Variants in RORA observed in about 807,000 individuals in gnomAD.
The protein encoded by RORA is RAR related orphan receptor A.
A neutral mutation model predicts 69.5 loss-of-function variants in RORA; 7 were observed. The observed-to-expected ratio is 0.10, with a 90% CI of 0.06 to 0.19. RORA has a LOEUF of 0.19. RORA is among the 10% of genes least tolerant of loss of function. The pLI is 1.00. For missense variants in RORA, 457 were observed against 663.0 expected, an observed-to-expected ratio of 0.69 and a Z score of 3.41; for synonymous variants, 261 against 240.8, an observed-to-expected ratio of 1.08 and a Z score of -0.78.
rs116445706 is a variant in RORA at position 60,675,944 on chromosome 15, C to T, written c.196+2713G>A. Among the ~76,000 whole-genome samples, 803 of 152,214 alleles carry T rather than the reference C, an allele frequency of 5.3e-3. 10 individuals carry two copies. The highest frequency in any genetic ancestry group is 0.018 in the African/African-American group (764 of 41,534). On this transcript the variant is annotated intron_variant, in intron 2 of 10. Transcript: ENST00000335670. ...TGAAATTGCTAATGTCGGGTGACTTCAGCTGTCGATGATTATGTAGTCAAG... is the reference window on the plus strand; with the variant it reads ...TGAAATTGCTAATGTCGGGTGACTTTAGCTGTCGATGATTATGTAGTCAAG...
At chr15:60,680,781 G>A (rs1232004511) in intron 1 of RORA, among the ~76,000 whole-genome samples, 1 of 151,866 alleles carries the variant, frequency 6.6e-6, no homozygotes, top group East Asian at 1.9e-4. Flanking sequence ...TATTTTATAT[G>A]GCAGCCTTAA....
At chr15:60,761,626 T>A (rs567239024) in intron 1 of RORA, among the ~76,000 whole-genome samples, 2 of 152,216 alleles carry the variant, frequency 1.3e-5, no homozygotes, top group Non-Finnish European at 1.5e-5. Context: ...ACCTCTCCTA[T>A]GGTGTGCCTG....
intron 1 of RORA, among the ~76,000 whole-genome samples, chr15:60,830,283 C>T (rs1300880850): frequency 2.0e-5 from 3 of 152,190 alleles, no homozygotes; most frequent in Non-Finnish European, 4.4e-5. Context: ...TAAACCAAAA[C>T]TTGTCCACAA....
intron 2 of RORA, among the ~76,000 whole-genome samples, chr15:60,626,724 C>G (rs908184954): frequency 2.0e-5 from 3 of 152,166 alleles, no homozygotes; most frequent in African/African-American, 7.2e-5. Context: ...ATCTGCTGCT[C>G]TCTTGCTGTC....
chr15:61,091,879 A>T (rs569496677), intron 1 of RORA, among the ~76,000 whole-genome samples: 2 of 152,364 alleles, frequency 1.3e-5, no homozygotes, highest in African/African-American at 4.8e-5. Context: ...GGTATATGTT[A>T]AAGTGGTCTT....
intron 1 of RORA, among the ~76,000 whole-genome samples, chr15:60,771,154 T>C (rs1158135548): frequency 1.3e-5 from 2 of 150,210 alleles, no homozygotes; most frequent in South Asian, 2.2e-4. Flanking sequence ...GACTCTCTTT[T>C]CTTTCTGCCT....
At chr15:60,516,080 T>TATACAAA in intron 3 of RORA, among the ~76,000 whole-genome samples, 1 of 62,712 alleles carries the variant, frequency 1.6e-5, no homozygotes, top group African/African-American at 6.7e-5. Context: ...TATATATTTA[T>TATACAAA]TTATATATAT....
chr15:61,121,848 TA>T (rs35795727), intron 1 of RORA, among the ~76,000 whole-genome samples: 46,785 of 132,818 alleles, frequency 0.35, 7,625 homozygotes, highest in Non-Finnish European at 0.38. Flanking sequence ...TGACTTCCTA[TA>T]AAAAAAAAAA....
rs1379322905 is a variant in RORA at position 60,537,371 on chromosome 15, A to C, written c.197-5520T>G. Among the ~76,000 whole-genome samples, 2 of 152,194 alleles carry C rather than the reference A, an allele frequency of 1.3e-5. No individual in the cohort carries two copies. Among genetic ancestry groups the C allele is most frequent in the Admixed American group, 1.3e-4 (2 of 15,284 alleles). On this transcript the variant is annotated intron_variant, in intron 2 of 10. Coordinates refer to ENST00000335670, the MANE Select transcript of RORA (RefSeq NM_134261.3). This position sits in a 1 kb window ranked among gnomAD's most constrained non-coding sequence, Gnocchi z 4.9. The stretch of plus-strand genomic sequence containing the variant: ...GCAGAGTGACTGCAACAGCCTGGAG[A>C]GAGGAAACCTTTCTTCAATCTGTCT...
At chr15:60,614,969 A>G (rs746321451) in intron 2 of RORA, 23 of 1,614,078 alleles carry the variant, frequency 1.4e-5, no homozygotes, top group Middle Eastern at 1.6e-4. Context: ...GCTCCATCCC[A>G]GTTTATGTGC....
chr15:60,894,434 T>C (rs1891174197), intron 1 of RORA, among the ~76,000 whole-genome samples: 1 of 152,196 alleles, frequency 6.6e-6, no homozygotes, highest in Admixed American at 6.5e-5. Context: ...CAGTCATAAA[T>C]TAGGACCAGA....
intron 1 of RORA, among the ~76,000 whole-genome samples, chr15:60,891,970 C>T (rs1260278241): frequency 1.3e-5 from 2 of 152,168 alleles, no homozygotes; most frequent in African/African-American, 4.8e-5. Flanking sequence ...AAGCTTCCTC[C>T]AGAGGAAGAT....
intron 2 of RORA, among the ~76,000 whole-genome samples, chr15:60,628,129 T>C (rs1444695031): frequency 6.6e-6 from 1 of 152,210 alleles, no homozygotes; most frequent in Non-Finnish European, 1.5e-5. Context: ...ATGTTACTGA[T>C]TATTTCGCTA....
intron 2 of RORA, among the ~76,000 whole-genome samples, chr15:60,559,411 C>A (rs2067468469): frequency 6.6e-6 from 1 of 152,144 alleles, no homozygotes; most frequent in Non-Finnish European, 1.5e-5. Context: ...GGAACCCAAC[C>A]AGATAACTAA....
chr15:60,648,738 T>G (rs969768642), intron 2 of RORA, among the ~76,000 whole-genome samples: 8 of 152,240 alleles, frequency 5.3e-5, no homozygotes, highest in Admixed American at 1.3e-4. Context: ...TAATTTTATC[T>G]GCTTTGATGA....
intron 1 of RORA, among the ~76,000 whole-genome samples, chr15:60,997,609 T>C (rs983190217): frequency 9.9e-5 from 15 of 152,228 alleles, no homozygotes; most frequent in Non-Finnish European, 1.6e-4. Flanking sequence ...TCTACTGATA[T>C]ACTCAAATAC....
At chr15:61,132,339 CA>C (rs2079197405) in intron 1 of RORA, among the ~76,000 whole-genome samples, 1 of 151,838 alleles carries the variant, frequency 6.6e-6, no homozygotes, top group Non-Finnish European at 1.5e-5. Flanking sequence ...TCCATCAAGA[CA>C]AAACAAAGAC....
chr15:60,971,159 ACATCATGC>A (rs1436886277), intron 1 of RORA, among the ~76,000 whole-genome samples: 2 of 152,200 alleles, frequency 1.3e-5, no homozygotes, highest in African/African-American at 4.8e-5. Flanking sequence ...ATGGAAAGGG[ACATCATGC>A]CATGTGTTAG....
intron 1 of RORA, among the ~76,000 whole-genome samples, chr15:60,948,011 T>A (rs1892951426): frequency 6.6e-6 from 1 of 152,134 alleles, no homozygotes; most frequent in Admixed American, 6.5e-5. Context: ...ATGATTTCCT[T>A]GGATGTCATG....
Sources: gnomAD v4.1 joint callset for allele counts (sites outside exome capture counted in the v4.1 genomes callset) on GRCh38, gnomAD v4.1.1 for gene constraint, Gnocchi (gnomAD v3.1) non-coding constraint, MANE v1.5 for transcripts, NCBI Gene and HGNC (gene_info 2026-07-23, HGNC 2026-07-21) for gene names.